Variants in CNTNAP2 observed in about 807,000 individuals in gnomAD.
CNTNAP2 encodes contactin associated protein 2.
In CNTNAP2, 98 loss-of-function variants were observed where a neutral mutation model predicts 155.2. That is an observed-to-expected ratio of 0.63 (90% CI 0.54 to 0.75). The LOEUF (loss-of-function observed/expected upper bound fraction) is 0.75, where lower values mean the gene tolerates loss of function less well. Ranked by LOEUF, CNTNAP2 falls within the 30% of genes least tolerant of loss-of-function variation. The pLI is 0.00. For missense variants in CNTNAP2, 1,727 were observed against 1,688.1 expected (o/e 1.02, Z -0.40); for synonymous variants, 651 against 631.2 (o/e 1.03, Z -0.47).
At chr7:148,153,157 G>C (rs565929982) in intron 17 of CNTNAP2, among the ~76,000 whole-genome samples, 3 of 151,022 alleles carry the variant, frequency 2.0e-5, no homozygotes, top group Admixed American at 2.0e-4. Context: ...AGTCAGCCAT[G>C]CTAGACTTTT....
intron 2 of CNTNAP2, among the ~76,000 whole-genome samples, chr7:146,839,409 G>A (rs1251635568): frequency 1.3e-5 from 2 of 152,028 alleles, no homozygotes; most frequent in African/African-American, 2.4e-5. Flanking sequence ...TGGTAAATTG[G>A]TCAACCCTCA....
chr7:148,395,598 G>A (rs1181634817), intron 22 of CNTNAP2, among the ~76,000 whole-genome samples: 5 of 152,022 alleles, frequency 3.3e-5, no homozygotes, highest in South Asian at 2.1e-4. Context: ...GCTCAGCCAT[G>A]ATGAAGAAAT....
intron 11 of CNTNAP2, among the ~76,000 whole-genome samples, chr7:147,486,938 A>G (rs925153142): frequency 7.5e-6 from 1 of 133,336 alleles, no homozygotes; most frequent in Non-Finnish European, 1.6e-5. Context: ...AGCAAGAGAA[A>G]AAGAGAGATT....
chr7:147,391,607 G>A (rs187989418), intron 9 of CNTNAP2, among the ~76,000 whole-genome samples: 5 of 152,084 alleles, frequency 3.3e-5, no homozygotes, highest in Admixed American at 2.6e-4. Flanking sequence ...CTTACCCCTT[G>A]AGCTTCTGTA....
chr7:147,558,269 A>C (rs1429843636), intron 11 of CNTNAP2, among the ~76,000 whole-genome samples: 1 of 152,142 alleles, frequency 6.6e-6, no homozygotes, highest in Non-Finnish European at 1.5e-5. Context: ...ATTTTATCAT[A>C]TTTCCAGTGA....
intron 4 of CNTNAP2, chr7:147,083,036 C>T (rs955681259): frequency 6.6e-6 from 1 of 152,174 alleles, no homozygotes; most frequent in Non-Finnish European, 1.5e-5. Context: ...CGCCTCTCAT[C>T]CTCTCTCGCT....
chr7:148,412,045 C>A (rs1024566907), intron 23 of CNTNAP2, among the ~76,000 whole-genome samples: 2 of 152,104 alleles, frequency 1.3e-5, no homozygotes, highest in Non-Finnish European at 1.5e-5. Flanking sequence ...CTGGCTCAAG[C>A]GATTCTCCTG....
intron 8 of CNTNAP2, among the ~76,000 whole-genome samples, chr7:147,250,519 C>T (rs1196906713): frequency 1.3e-5 from 2 of 151,932 alleles, no homozygotes; most frequent in Non-Finnish European, 2.9e-5. Context: ...TAATCATTGC[C>T]CCTTATCCAC....
rs967642367 is a variant in CNTNAP2 at position 147,119,712 on chromosome 7, AAAGG to A, written c.755-1249_755-1246del. Among the ~76,000 whole-genome samples, 47 of 151,900 alleles carry A rather than the reference AAAGG, an allele frequency of 3.1e-4. 1 individual carries two copies. The highest frequency in any genetic ancestry group is 3.4e-3 in the Middle Eastern group (1 of 294). ...TGGGGGCATTAGCATACAAAGGGAG[AAAGG>A]AAGGAAGGAAGGAAGGAGGGAGTGT... On this transcript the variant is annotated intron_variant, in intron 5 of 23. Coordinates refer to ENST00000361727, the MANE Select transcript of CNTNAP2 (RefSeq NM_014141.6).
intron 3 of CNTNAP2, among the ~76,000 whole-genome samples, chr7:146,956,014 T>G (rs1797427705): frequency 1.3e-5 from 2 of 151,976 alleles, no homozygotes; most frequent in South Asian, 4.1e-4. Flanking sequence ...TTAATAGTGT[T>G]CCCCCTCCAA....
intron 1 of CNTNAP2, among the ~76,000 whole-genome samples, chr7:146,546,119 G>T (rs2129141844): frequency 6.6e-6 from 1 of 151,912 alleles, no homozygotes; most frequent in Non-Finnish European, 1.5e-5. Flanking sequence ...TGAGATTGGG[G>T]GTAAAACATT....
chr7:148,327,698 C>T (rs1323455161), intron 21 of CNTNAP2, among the ~76,000 whole-genome samples: 1 of 152,204 alleles, frequency 6.6e-6, no homozygotes, highest in Admixed American at 6.5e-5. Context: ...TAGACACTCA[C>T]TGTCTTGCAA....
intron 9 of CNTNAP2, among the ~76,000 whole-genome samples, chr7:147,338,184 GGA>G (rs1210336402): frequency 6.6e-6 from 1 of 152,102 alleles, no homozygotes; most frequent in Non-Finnish European, 1.5e-5. Flanking sequence ...CAGAGTGGAA[GGA>G]GAGAGAGAAT....
intron 2 of CNTNAP2, among the ~76,000 whole-genome samples, chr7:146,801,785 A>T (rs997848368): frequency 1.3e-5 from 2 of 152,212 alleles, no homozygotes; most frequent in African/African-American, 4.8e-5. Flanking sequence ...AAGCTCTTTT[A>T]TTATACCAAA....
At chr7:147,002,557 C>A (rs1798443946) in intron 3 of CNTNAP2, among the ~76,000 whole-genome samples, 1 of 151,908 alleles carries the variant, frequency 6.6e-6, no homozygotes, top group Non-Finnish European at 1.5e-5. Flanking sequence ...ACTTTCATGC[C>A]AAGCAAGCTA....
chr7:146,963,565 A>AC (rs1163035631), intron 3 of CNTNAP2, among the ~76,000 whole-genome samples: 2 of 152,198 alleles, frequency 1.3e-5, no homozygotes, highest in Admixed American at 6.5e-5. Context: ...TTATTTCAAG[A>AC]ATAAAACACA....
chr7:147,529,664 A>C (rs2116722443), intron 11 of CNTNAP2, among the ~76,000 whole-genome samples: 1 of 152,362 alleles, frequency 6.6e-6, no homozygotes, highest in Non-Finnish European at 1.5e-5. Flanking sequence ...GCTTAATAAA[A>C]TAAAAGCAAA....
intron 1 of CNTNAP2, among the ~76,000 whole-genome samples, chr7:146,721,632 CTA>C (rs1323836777): frequency 8.9e-6 from 1 of 111,758 alleles, no homozygotes; most frequent in Non-Finnish European, 1.6e-5. Flanking sequence ...TATATACATT[CTA>C]TATATATTCT....
intron 1 of CNTNAP2, among the ~76,000 whole-genome samples, chr7:146,612,870 T>A (rs1799160972): frequency 6.6e-6 from 1 of 152,076 alleles, no homozygotes; most frequent in African/African-American, 2.4e-5. Context: ...TACTATATGA[T>A]CTTGTTCAAT....
Sources: allele counts gnomAD v4.1 joint callset (sites outside exome capture counted in the v4.1 genomes callset), GRCh38; gene constraint gnomAD v4.1.1; transcripts MANE v1.5; gene names NCBI Gene and HGNC (gene_info 2026-07-23, HGNC 2026-07-21).